The following SMPDL3B variants were observed in gnomAD, a reference collection of about 807,000 sequenced individuals.
The protein encoded by SMPDL3B is acid sphingomyelinase-like phosphodiesterase 3b.
Under a neutral mutation model 37.9 loss-of-function variants are expected in SMPDL3B, and 31 were observed. That is an observed-to-expected ratio of 0.82 (90% CI 0.61 to 1.10). The LOEUF is 1.10. SMPDL3B is among the 50% of genes least tolerant of loss of function. The pLI, the probability that SMPDL3B is intolerant of heterozygous loss-of-function variation, is 0.00. For missense variants in SMPDL3B, 525 were observed against 597.8 expected (o/e 0.88, Z 1.27); for synonymous variants, 235 against 242.6 (o/e 0.97, Z 0.29).
intron 2 of SMPDL3B, among the ~76,000 whole-genome samples, chr1:27,947,273 T>C (rs1433206217): frequency 1.3e-5 from 2 of 152,018 alleles, no homozygotes; most frequent in Non-Finnish European, 2.9e-5. Flanking sequence ...CGACCTCAGG[T>C]GATCTGCCCG....
chr1:27,953,390 C>T (rs2090471300), intron 4 of SMPDL3B, 32 bp downstream of exon 4: 1 of 1,567,958 alleles, frequency 6.4e-7, no homozygotes, highest in Non-Finnish European at 8.7e-7. Flanking sequence ...ATCAAGAGCA[C>T]TTACTGTATG....
At position 27,958,689 on chromosome 1, in the gene SMPDL3B, G is replaced by T; in HGVS notation, c.1219G>T (p.Glu407Ter). Residue 407 changes from glutamate (E) to a stop codon, truncating the protein, a stop_gained, in exon 8 of 8, where the codon GAG (glutamate) becomes TAG (stop). Transcript: ENST00000373894. LOFTEE classifies it low-confidence loss of function (END_TRUNC). The surrounding 1 kb of genome is among the most constrained non-coding windows in gnomAD (Gnocchi z 5.6). ...SVSYSAGVCD[E>*]ACSMQHVCAM... ...CAGCTACTCTGCTGGGGTCTGCGACGAGGCCTGCAGCATGCAGCACGTGTG... is the reference window on the plus strand; with the variant it reads ...CAGCTACTCTGCTGGGGTCTGCGACTAGGCCTGCAGCATGCAGCACGTGTG... The T allele has an allele frequency of 6.2e-6, 10 of 1,613,946 alleles. No individual in the cohort carries two copies. Among genetic ancestry groups the T allele is most frequent in the Middle Eastern group, 1.6e-4 (1 of 6,062 alleles).
At chr1:27,949,354 G>A (rs140111807) in intron 3 of SMPDL3B, among the ~76,000 whole-genome samples, 192 bp downstream of exon 3, 1 of 152,296 alleles carries the variant, frequency 6.6e-6, no homozygotes, top group East Asian at 1.9e-4. Flanking sequence ...AAGCCCATGG[G>A]CCGGTGGATA....
chr1:27,942,880 T>C (rs1003693646), intron 1 of SMPDL3B, among the ~76,000 whole-genome samples: 2 of 152,042 alleles, frequency 1.3e-5, no homozygotes, highest in Non-Finnish European at 2.9e-5. Context: ...CCTGCTAGTC[T>C]TGAACTCCTG....
chr1:27,936,831 A>G (rs2090312216), intron 1 of SMPDL3B, among the ~76,000 whole-genome samples: 1 of 152,162 alleles, frequency 6.6e-6, no homozygotes, highest in Admixed American at 6.6e-5. Context: ...ATCCTGGCTA[A>G]TACGGTGAAA....
chr1:27,944,121 T>G (rs2090384192), intron 1 of SMPDL3B, among the ~76,000 whole-genome samples: 1 of 151,912 alleles, frequency 6.6e-6, no homozygotes, highest in African/African-American at 2.4e-5. Flanking sequence ...TTTATTACAC[T>G]GTGAAGTTTT....
At chr1:27,956,745 G>A (rs1231534728) in intron 7 of SMPDL3B, among the ~76,000 whole-genome samples, 1 of 152,202 alleles carries the variant, frequency 6.6e-6, no homozygotes, top group Non-Finnish European at 1.5e-5. Flanking sequence ...ACAGGAGAGG[G>A]ACAATAAATA....
chr1:27,956,235 C>G, intron 7 of SMPDL3B, 153 bp downstream of exon 7: 1 of 1,561,428 alleles, frequency 6.4e-7, no homozygotes, highest in Non-Finnish European at 8.7e-7. Flanking sequence ...GGATCAGAAC[C>G]CTGGAGGCAC....
intron 2 of SMPDL3B, among the ~76,000 whole-genome samples, chr1:27,947,038 AT>A (rs35543061): frequency 0.047 from 6,736 of 141,958 alleles, 465 homozygotes; most frequent in African/African-American, 0.16. Flanking sequence ...ACAGATGCAC[AT>A]TTTTTTTTTT....
At chr1:27,937,482 A>G (rs1219952015) in intron 1 of SMPDL3B, among the ~76,000 whole-genome samples, 2 of 152,216 alleles carry the variant, frequency 1.3e-5, no homozygotes, top group African/African-American at 2.4e-5. Flanking sequence ...TGGGTTTTGG[A>G]GGGCCTCCAT....
rs955918818 is a variant in SMPDL3B at position 27,945,016 on chromosome 1, C to T, written c.62-216C>T. Among the ~76,000 whole-genome samples, 5 of 152,162 alleles carry T rather than the reference C, an allele frequency of 3.3e-5. No homozygotes were observed. Among genetic ancestry groups the T allele is most frequent in the South Asian group, 4.1e-4 (2 of 4,836 alleles). ...AGGACGGGGCCTTGCCAAAGGTCAGCGCTCAGGGATGGAGCTGAGCCTGTT... is the reference window on the plus strand; with the variant it reads ...AGGACGGGGCCTTGCCAAAGGTCAGTGCTCAGGGATGGAGCTGAGCCTGTT... On this transcript the variant is annotated intron_variant, in intron 1 of 7. Coordinates refer to ENST00000373894, the MANE Select transcript of SMPDL3B (RefSeq NM_014474.4). This position sits in a 1 kb window ranked among gnomAD's most constrained non-coding sequence, Gnocchi z 4.0.
At chr1:27,942,144 T>G in intron 1 of SMPDL3B, 3 of 370,194 alleles carry the variant, frequency 8.1e-6, no homozygotes, top group Admixed American at 7.5e-5. Flanking sequence ...AGATGAGGAG[T>G]TTCTGGAGTG....
chr1:27,951,683 C>T (rs1477628402), intron 3 of SMPDL3B, among the ~76,000 whole-genome samples: 3 of 151,918 alleles, frequency 2.0e-5, no homozygotes, highest in African/African-American at 7.3e-5. Flanking sequence ...CCTGCTTCTA[C>T]AAAAAATAAA....
chr1:27,953,462 T>C, intron 4 of SMPDL3B, 104 bp downstream of exon 4: 3 of 1,076,014 alleles, frequency 2.8e-6, no homozygotes, highest in Non-Finnish European at 3.9e-6. Flanking sequence ...TTATCCCCAA[T>C]TTACAGATAA....
chr1:27,948,058 G>C (rs1483887023), intron 2 of SMPDL3B, among the ~76,000 whole-genome samples: 1 of 152,154 alleles, frequency 6.6e-6, no homozygotes, highest in Non-Finnish European at 1.5e-5. Context: ...GTGGCTGTGA[G>C]CATAGACTCT....
At position 27,958,413 on chromosome 1, in the gene SMPDL3B, T is replaced by C. The variant is rs1638359317; in HGVS notation, c.1006-63T>C. 5.8e-6 allele frequency: 9 copies of C among 1,543,480 alleles called. No individual in the cohort carries two copies. The highest frequency in any genetic ancestry group is 7.9e-6 in the Non-Finnish European group (9 of 1,141,442). On this transcript the variant is annotated intron_variant, in intron 7 of 7. Transcript: ENST00000373894. This position sits in a 1 kb window ranked among gnomAD's most constrained non-coding sequence, Gnocchi z 5.6. Reference sequence around the variant, plus strand: ...AAAGAACTTGGGGGCAAATGCAAGGTGCAGGATGGGGATGGAAGCAGACAA... The same window carrying C: ...AAAGAACTTGGGGGCAAATGCAAGGCGCAGGATGGGGATGGAAGCAGACAA...
chr1:27,948,856 G>C (rs962103458), intron 2 of SMPDL3B: 1 of 804,248 alleles, frequency 1.2e-6, no homozygotes, highest in Non-Finnish European at 2.0e-6. Context: ...AGGTTAAACA[G>C]CCAATCAAGG....
rs2090400674 is a variant in SMPDL3B, at chr1:27,945,640, C to T, written c.275+195C>T. Reference sequence around the variant, plus strand: ...TCCAACTGATTCCACAGTCTGTGTCCTCGACCTCCATGTCTCCTGGCTGTG... The same window carrying T: ...TCCAACTGATTCCACAGTCTGTGTCTTCGACCTCCATGTCTCCTGGCTGTG... On this transcript the variant is annotated intron_variant, in intron 2 of 7. Coordinates refer to ENST00000373894, the MANE Select transcript of SMPDL3B (RefSeq NM_014474.4). The surrounding 1 kb of genome is among the most constrained non-coding windows in gnomAD (Gnocchi z 4.0). 6.6e-6 allele frequency among the ~76,000 whole-genome samples: 1 copy of T among 152,194 alleles called. No homozygotes were observed. The highest frequency in any genetic ancestry group is 6.5e-5 in the Admixed American group (1 of 15,278).
In SMPDL3B at chr1:27,952,572, G is replaced by A. The variant is rs573556326; in HGVS notation, c.374-643G>A. Among the ~76,000 whole-genome samples, 12 of 152,330 alleles carry A rather than the reference G, an allele frequency of 7.9e-5. 1 individual carries two copies. In the East Asian group the frequency reaches 2.3e-3, roughly 29 times the overall value. On this transcript the variant is annotated intron_variant, in intron 3 of 7. Coordinates refer to ENST00000373894, the MANE Select transcript of SMPDL3B (RefSeq NM_014474.4). The stretch of plus-strand genomic sequence containing the variant: ...TCTAATGGGTTCCCCTACACCTCCA[G>A]GCCTCATTCACAGGCCCCTTCCTCA...
Sources: gnomAD v4.1 joint callset for allele counts (sites outside exome capture counted in the v4.1 genomes callset) on GRCh38, gnomAD v4.1.1 for gene constraint, Gnocchi (gnomAD v3.1) non-coding constraint, MANE v1.5 for transcripts, NCBI Gene and HGNC (gene_info 2026-07-23, HGNC 2026-07-21) for gene names.